The following TAFA2 variants were observed in gnomAD, a reference collection of about 807,000 sequenced individuals.
The protein encoded by TAFA2 is TAFA chemokine like family member 2.
Under a neutral mutation model 18.8 loss-of-function variants are expected in TAFA2, and 7 were observed. That is an observed-to-expected ratio of 0.37 (90% CI 0.21 to 0.70). TAFA2 has a LOEUF of 0.70. TAFA2 is among the 30% of genes least tolerant of loss of function. The pLI, the probability that TAFA2 is intolerant of heterozygous loss-of-function variation, is 0.53. For missense variants in TAFA2, 122 were observed against 158.1 expected, an observed-to-expected ratio of 0.77 and a Z score of 1.23; for synonymous variants, 60 against 54.2, an observed-to-expected ratio of 1.11 and a Z score of -0.47.
chr12:61,849,933 T>C (rs927359375), intron 2 of TAFA2, among the ~76,000 whole-genome samples: 17 of 152,168 alleles, frequency 1.1e-4, no homozygotes, highest in African/African-American at 3.9e-4. Context: ...GTTGAATCTA[T>C]ACGCTATTAG....
intron 2 of TAFA2, among the ~76,000 whole-genome samples, chr12:61,826,153 T>C (rs1251871678): frequency 2.0e-5 from 3 of 152,094 alleles, no homozygotes; most frequent in Non-Finnish European, 4.4e-5. Flanking sequence ...AACAAGCACA[T>C]AACACCATGC....
At position 61,986,075 on chromosome 12, in the gene TAFA2, C is replaced by T. The variant is rs59570268; in HGVS notation, c.-1-118649G>A. 1.9e-4 allele frequency among the ~76,000 whole-genome samples: 29 copies of T among 151,944 alleles called. No homozygotes were observed. In the East Asian group the frequency reaches 5.6e-3, roughly 29 times the overall value. On this transcript the variant is annotated intron_variant, in intron 1 of 4. Coordinates refer to ENST00000416284, the MANE Select transcript of TAFA2 (RefSeq NM_178539.5). ...ACAGCACATGCTAAGTAGCTCTGTG[C>T]CCCACTATTGTTTGTATTATGTTCA...
intron 1 of TAFA2, among the ~76,000 whole-genome samples, chr12:62,205,720 C>A (rs1021428387): frequency 1.3e-5 from 2 of 152,230 alleles, no homozygotes; most frequent in Non-Finnish European, 2.9e-5. Flanking sequence ...GCCATAATGA[C>A]TGCTGCCCTT....
intron 1 of TAFA2, among the ~76,000 whole-genome samples, chr12:62,076,042 C>T (rs953260737): frequency 6.6e-6 from 1 of 152,170 alleles, no homozygotes; most frequent in Admixed American, 6.5e-5. Context: ...CCAAAATCCA[C>T]GCCCTTTAAA....
chr12:61,916,970 C>T (rs192345588), intron 1 of TAFA2, among the ~76,000 whole-genome samples: 1 of 152,248 alleles, frequency 6.6e-6, no homozygotes, highest in East Asian at 1.9e-4. Context: ...ACATCATTGT[C>T]ATTCATGTCT....
At chr12:62,111,490 A>G (rs113486683) in intron 1 of TAFA2, among the ~76,000 whole-genome samples, 46 of 152,304 alleles carry the variant, frequency 3.0e-4, no homozygotes, top group African/African-American at 1.1e-3. Context: ...ATTTCTGTAG[A>G]TGTCTATTAG....
At chr12:61,883,516 T>C (rs998141133) in intron 1 of TAFA2, among the ~76,000 whole-genome samples, 1 of 152,202 alleles carries the variant, frequency 6.6e-6, no homozygotes, top group African/African-American at 2.4e-5. Context: ...CTATAAGGGA[T>C]AGGTCAGCAA....
At chr12:61,761,691 A>T (rs1417427733) in intron 2 of TAFA2, among the ~76,000 whole-genome samples, 1 of 152,102 alleles carries the variant, frequency 6.6e-6, no homozygotes, top group Non-Finnish European at 1.5e-5. Flanking sequence ...GAGACACAGA[A>T]ATGTAAGTTG....
chr12:61,727,520 T>C (rs984699166), intron 4 of TAFA2, among the ~76,000 whole-genome samples: 4 of 152,046 alleles, frequency 2.6e-5, no homozygotes, highest in African/African-American at 9.7e-5. Flanking sequence ...GTGTTCATAG[T>C]AGCCTTGGAT....
intron 1 of TAFA2, among the ~76,000 whole-genome samples, chr12:61,951,258 A>T (rs1410308155): frequency 6.6e-6 from 1 of 152,224 alleles, no homozygotes; most frequent in Non-Finnish European, 1.5e-5. Context: ...AGTGATGCTT[A>T]CGCAAATGGT....
intron 1 of TAFA2, among the ~76,000 whole-genome samples, chr12:62,229,073 A>T (rs2136982877): frequency 6.6e-6 from 1 of 151,836 alleles, no homozygotes; most frequent in South Asian, 2.1e-4. Flanking sequence ...TGCATCCTGC[A>T]ACTTTACTAA....
chr12:62,063,214 A>G (rs751967899), intron 1 of TAFA2, among the ~76,000 whole-genome samples: 1 of 152,184 alleles, frequency 6.6e-6, no homozygotes, highest in Non-Finnish European at 1.5e-5. Context: ...TCAGCATGAA[A>G]GTTGTCCTGG....
intron 1 of TAFA2, among the ~76,000 whole-genome samples, chr12:61,901,613 G>A (rs897073831): frequency 6.6e-6 from 1 of 151,568 alleles, no homozygotes; most frequent in Non-Finnish European, 1.5e-5. Context: ...ATTTTCTCCA[G>A]AAGCCATTTG....
chr12:62,126,635 A>G (rs1253037481), intron 1 of TAFA2, among the ~76,000 whole-genome samples: 2 of 152,052 alleles, frequency 1.3e-5, no homozygotes, highest in East Asian at 3.9e-4. Context: ...TTGATATTCC[A>G]TGCTGAGAGA....
chr12:61,712,908 G>T (rs1869481162), intron 4 of TAFA2, among the ~76,000 whole-genome samples: 1 of 151,960 alleles, frequency 6.6e-6, no homozygotes, highest in African/African-American at 2.4e-5. Context: ...TTGCCATGAA[G>T]ATCAAGTATT....
chr12:61,941,851 T>G (rs913378321), intron 1 of TAFA2, among the ~76,000 whole-genome samples: 1 of 152,074 alleles, frequency 6.6e-6, no homozygotes, highest in Non-Finnish European at 1.5e-5. Context: ...GAGATCAAAC[T>G]GCAAGGCGGC....
Position 61,863,360 on chromosome 12 carries a change from T to C in TAFA2, c.106+3960A>G, listed in dbSNP as rs190426449. Among the ~76,000 whole-genome samples the C allele has an allele frequency of 2.4e-3, 363 of 152,324 alleles. 2 individuals carry two copies. Among genetic ancestry groups the C allele is most frequent in the African/African-American group, 8.2e-3 (341 of 41,570 alleles). On this transcript the variant is annotated intron_variant, in intron 2 of 4. Transcript: ENST00000416284. ...TGATCCACAGGGGCATCTTGTGGCA[T>C]TCCTGTGCCCAGTTATAACTACCAA...
At chr12:62,059,449 C>G (rs998376798) in intron 1 of TAFA2, among the ~76,000 whole-genome samples, 12 of 151,862 alleles carry the variant, frequency 7.9e-5, no homozygotes, top group Non-Finnish European at 1.6e-4. Flanking sequence ...AGACAAGCAA[C>G]AACTATGTTA....
At chr12:61,974,136 T>A (rs1450263941) in intron 1 of TAFA2, among the ~76,000 whole-genome samples, 1 of 151,678 alleles carries the variant, frequency 6.6e-6, no homozygotes, top group Non-Finnish European at 1.5e-5. Context: ...AGAAGAAATA[T>A]AACCTGTTGT....
Sources: gnomAD v4.1 joint callset for allele counts (sites outside exome capture counted in the v4.1 genomes callset) on GRCh38, gnomAD v4.1.1 for gene constraint, MANE v1.5 for transcripts, NCBI Gene and HGNC (gene_info 2026-07-23, HGNC 2026-07-21) for gene names.